PPEF1: variants seen among roughly 807,000 people sequenced by gnomAD.
PPEF1 encodes the protein protein phosphatase with EF-hand domain 1.
In PPEF1, 12 loss-of-function variants were observed where a neutral mutation model predicts 53.3. The observed-to-expected ratio is 0.23, with a 90% confidence interval of 0.14 to 0.36. PPEF1 has a LOEUF of 0.36. Ranked by LOEUF, PPEF1 falls within the 10% of genes least tolerant of loss-of-function variation. The pLI is 1.00. For synonymous variants in PPEF1, 165 were observed against 176.7 expected, an observed-to-expected ratio of 0.93 and a Z score of 0.52; for missense variants, 334 against 490.4, an observed-to-expected ratio of 0.68 and a Z score of 3.01.
At chrX:18,720,064 C>G (rs2147331044) in intron 1 of PPEF1, among the ~76,000 whole-genome samples, 1 of 111,385 alleles carries the variant, frequency 9.0e-6, no homozygotes, top group South Asian at 3.8e-4. Context: ...ACTTATCCTG[C>G]CAAAATACAC....
chrX:18,755,094 G>T (rs746618274), intron 4 of PPEF1, among the ~76,000 whole-genome samples: 1 of 111,075 alleles, frequency 9.0e-6, no homozygotes, highest in African/African-American at 3.3e-5. Context: ...ATCAATCCAA[G>T]GAGCCATAAT....
chrX:18,793,471 TA>T (rs1403135855), intron 10 of PPEF1, among the ~76,000 whole-genome samples: 1 of 111,959 alleles, frequency 8.9e-6, no homozygotes, highest in Non-Finnish European at 1.9e-5. Context: ...TAAATCCTTT[TA>T]AAATTTGTTG....
chrX:18,681,684 A>G (rs770585369), upstream of PPEF1, among the ~76,000 whole-genome samples: 86 of 111,819 alleles, frequency 7.7e-4, no homozygotes, highest in African/African-American at 2.5e-3. Flanking sequence ...TTTCTTCCCC[A>G]TGTAGGATTT....
At chrX:18,686,907 G>A (rs749675062) in intron 3 of PPEF1, among the ~76,000 whole-genome samples, 2 of 111,146 alleles carry the variant, frequency 1.8e-5, no homozygotes, top group South Asian at 7.7e-4. Flanking sequence ...TACGAAGCCA[G>A]GAGATATACA....
intron 1 of PPEF1, among the ~76,000 whole-genome samples, chrX:18,728,862 CT>C (rs1257159066): frequency 1.8e-5 from 2 of 111,896 alleles, no homozygotes; most frequent in Non-Finnish European, 3.8e-5. Context: ...TTATAGTCAA[CT>C]CTTATTTTTT....
In PPEF1 at chrX:18,687,607, A is replaced by G. The variant is rs1036309766; in HGVS notation, c.-426+1376A>G. ...TTGGGAAATGCAGGCCTCTCCTGGA[A>G]ATGGTAGCTAATACTTGTTTAGCAC... On this transcript the variant is annotated intron_variant, in intron 3 of 21. Coordinates refer to the PPEF1 transcript ENST00000361511. Among the ~76,000 whole-genome samples, 3 of 111,786 alleles carry G rather than the reference A, an allele frequency of 2.7e-5. 1 individual carries two copies. Among genetic ancestry groups the G allele is most frequent in the South Asian group, 7.5e-4 (2 of 2,674 alleles).
intron 1 of PPEF1, among the ~76,000 whole-genome samples, chrX:18,720,075 A>C (rs2044547748): frequency 9.0e-6 from 1 of 111,521 alleles, no homozygotes; most frequent in Admixed American, 9.6e-5. Flanking sequence ...CAAAATACAC[A>C]ACCTGAATCT....
At chrX:18,804,813 C>T (rs1005121073) in intron 11 of PPEF1, among the ~76,000 whole-genome samples, 6 of 111,449 alleles carry the variant, frequency 5.4e-5, no homozygotes, top group African/African-American at 9.8e-5. Flanking sequence ...CCCTTCAGCT[C>T]CCTGAGTAGG....
In PPEF1 at chrX:18,734,424, C is replaced by T. The variant is rs182285749; in HGVS notation, c.235+616C>T. 6.7e-3 allele frequency among the ~76,000 whole-genome samples: 735 copies of T among 109,932 alleles called. 7 individuals are homozygous for T. The highest frequency in any genetic ancestry group is 0.023 in the African/African-American group (690 of 30,189). On this transcript the variant is annotated intron_variant, in intron 3 of 15. Coordinates refer to ENST00000470157, the MANE Select transcript of PPEF1 (RefSeq NM_001377996.1). ...ATAGTTTGCTCAGAATGATGGTTTC[C>T]AGCTTCATCCATGTCCCTACAAAGG...
chrX:18,784,845 G>T (rs188749454), intron 9 of PPEF1, among the ~76,000 whole-genome samples: 1 of 110,505 alleles, frequency 9.0e-6, no homozygotes, highest in Non-Finnish European at 1.9e-5. Context: ...CCTAGTGAAG[G>T]GTTCCTTGGA....
chrX:18,798,902 AG>A (rs1401428184), intron 10 of PPEF1, among the ~76,000 whole-genome samples: 1 of 110,597 alleles, frequency 9.0e-6, no homozygotes, highest in Non-Finnish European at 1.9e-5. Context: ...CTGGAATTAC[AG>A]GGGTGAGCCA....
chrX:18,773,470 G>A (rs1056483033), intron 6 of PPEF1, among the ~76,000 whole-genome samples: 1 of 111,030 alleles, frequency 9.0e-6, no homozygotes, highest in African/African-American at 3.3e-5. Context: ...TCTGGGTTTT[G>A]TATTTTAACA....
intron 2 of PPEF1, among the ~76,000 whole-genome samples, chrX:18,685,121 A>G (rs1235745320): frequency 1.8e-5 from 2 of 112,390 alleles, no homozygotes; most frequent in African/African-American, 6.5e-5. Context: ...ATTTGTTTCC[A>G]CATGGATTCA....
At chrX:18,694,587 A>C (rs1929609263) in intron 4 of PPEF1, among the ~76,000 whole-genome samples, 1 of 111,578 alleles carries the variant, frequency 9.0e-6, no homozygotes, top group African/African-American at 3.3e-5. Flanking sequence ...AAATACAAAA[A>C]TTAGCCGGGC....
intron 1 of PPEF1, among the ~76,000 whole-genome samples, chrX:18,684,040 T>G (rs903681191): frequency 8.0e-5 from 9 of 112,210 alleles, no homozygotes; most frequent in African/African-American, 2.6e-4. Context: ...CACCCGTAGC[T>G]CTCTCCTGTA....
intron 6 of PPEF1, among the ~76,000 whole-genome samples, chrX:18,762,164 T>A (rs2045680133): frequency 9.0e-6 from 1 of 111,626 alleles, no homozygotes; most frequent in African/African-American, 3.3e-5. Flanking sequence ...TCTCTTTGAT[T>A]GGATTTTTTT....
chrX:18,784,715 T>G (rs2046165818), intron 9 of PPEF1, among the ~76,000 whole-genome samples: 1 of 111,228 alleles, frequency 9.0e-6, no homozygotes, highest in Admixed American at 9.6e-5. Context: ...TAACTTAGGA[T>G]ACTTTTTTTG....
intron 1 of PPEF1, among the ~76,000 whole-genome samples, chrX:18,718,163 C>T (rs1191269898): frequency 8.9e-6 from 1 of 112,130 alleles, no homozygotes; most frequent in Admixed American, 9.5e-5. Flanking sequence ...CAATTAAATA[C>T]ATCTTCATCT....
chrX:18,781,876 CAGAG>C (rs1308443463), intron 7 of PPEF1, among the ~76,000 whole-genome samples: 1 of 111,231 alleles, frequency 9.0e-6, no homozygotes. Context: ...GGACCTGTAT[CAGAG>C]AGAGCATAAC....
Sources: allele counts gnomAD v4.1 joint callset (sites outside exome capture counted in the v4.1 genomes callset), GRCh38; gene constraint gnomAD v4.1.1; transcripts MANE v1.5; gene names NCBI Gene and HGNC (gene_info 2026-07-23, HGNC 2026-07-21).